The following NR6A1 variants were observed in gnomAD, a reference collection of about 807,000 sequenced individuals.
NR6A1 encodes the protein nuclear receptor subfamily 6 group A member 1, also known as retinoic acid receptor-related testis-associated receptor.
Under a neutral mutation model 59.1 loss-of-function variants are expected in NR6A1, and 7 were observed. That is an observed-to-expected ratio of 0.12 (90% CI 0.07 to 0.22). NR6A1 has a LOEUF of 0.22. Among genes scored for constraint, NR6A1 ranks in the 10% least tolerant of loss-of-function variants. NR6A1 has a pLI of 1.00. For synonymous variants in NR6A1, 243 were observed against 236.1 expected, an observed-to-expected ratio of 1.03 and a Z score of -0.27; for missense variants, 468 against 611.6, an observed-to-expected ratio of 0.77 and a Z score of 2.48.
intron 8 of NR6A1, among the ~76,000 whole-genome samples, chr9:124,525,409 G>A (rs1322713831): frequency 1.3e-5 from 2 of 151,434 alleles, no homozygotes; most frequent in Non-Finnish European, 2.9e-5. Context: ...CTGTCACCTA[G>A]GCTGGAGTGC....
chr9:124,520,874 TG>T lies in NR6A1; in HGVS notation c.*1830del, dbSNP rs2131308600. On this transcript the variant is annotated 3_prime_UTR_variant, in exon 10 of 10. Transcript: ENST00000487099. Reference sequence around the variant, plus strand: ...CATGTCTCTTCCTTCTCAGAGCAACTGGGGAAACGGCATTGAGGAGTAATGT... The same window carrying T: ...CATGTCTCTTCCTTCTCAGAGCAACTGGGAAACGGCATTGAGGAGTAATGT... 6.6e-6 allele frequency: 1 copy of T among 152,330 alleles called. No homozygotes were observed. The highest frequency in any genetic ancestry group is 2.1e-4 in the South Asian group (1 of 4,834). 9.4% of individuals were successfully genotyped at this position (152,330 alleles called of 1,614,324 possible). A position where few individuals can be genotyped will look rare whatever the true frequency, so the allele number is the denominator to read the frequency against.
intron 2 of NR6A1, among the ~76,000 whole-genome samples, chr9:124,706,068 G>A (rs761497120): frequency 3.9e-5 from 6 of 152,016 alleles, no homozygotes; most frequent in Admixed American, 2.6e-4. Context: ...AAGCCACCAC[G>A]CCAGCCTGAT....
At chr9:124,549,753 T>G (rs1265350903) in intron 3 of NR6A1, among the ~76,000 whole-genome samples, 1 of 152,108 alleles carries the variant, frequency 6.6e-6, no homozygotes, top group Admixed American at 6.6e-5. Context: ...TATGGAGAGT[T>G]CCCATACACC....
chr9:124,728,637 A>AAAT (rs1839796684), intron 2 of NR6A1, among the ~76,000 whole-genome samples: 44 of 144,840 alleles, frequency 3.0e-4, no homozygotes, highest in Admixed American at 2.3e-3. Flanking sequence ...TCCGCCTCAA[A>AAAT]AAATAAATAA....
At chr9:124,762,517 G>A (rs1260648622) in intron 1 of NR6A1, among the ~76,000 whole-genome samples, 2 of 152,052 alleles carry the variant, frequency 1.3e-5, no homozygotes, top group South Asian at 2.1e-4. Context: ...ATTTATAATC[G>A]GAAAAGGAAG....
chr9:124,732,275 A>G (rs538095093), intron 2 of NR6A1, among the ~76,000 whole-genome samples: 1 of 152,324 alleles, frequency 6.6e-6, no homozygotes, highest in South Asian at 2.1e-4. Context: ...CTACAATCAG[A>G]AAAATAACTC....
At chr9:124,615,286 T>G (rs1413443668) in intron 2 of NR6A1, among the ~76,000 whole-genome samples, 1 of 152,226 alleles carries the variant, frequency 6.6e-6, no homozygotes, top group Non-Finnish European at 1.5e-5. Flanking sequence ...CTAGTCATAA[T>G]GATTTGAAAA....
chr9:124,537,278 C>T (rs144866775), intron 6 of NR6A1, among the ~76,000 whole-genome samples: 4 of 152,162 alleles, frequency 2.6e-5, no homozygotes, highest in Non-Finnish European at 5.9e-5. Context: ...TTAGTACACA[C>T]GGGGTTTCAC....
rs565353590 is a variant in NR6A1 at position 124,609,030 on chromosome 9, G to C, written c.143-54460C>G. 1.3e-5 allele frequency among the ~76,000 whole-genome samples: 2 copies of C among 152,106 alleles called. 1 individual carries two copies. The highest frequency in any genetic ancestry group is 3.9e-4 in the East Asian group (2 of 5,190). On this transcript the variant is annotated intron_variant, in intron 2 of 9. Transcript: ENST00000487099. ...TTTGATTAAGTTCCTTGTAGATTCT[G>C]GATATTACATCTTTGTCAGATGGAT...
intron 1 of NR6A1, among the ~76,000 whole-genome samples, chr9:124,754,732 C>T (rs1313243955): frequency 6.6e-6 from 1 of 152,174 alleles, no homozygotes; most frequent in East Asian, 1.9e-4. Flanking sequence ...AACTGGTTTT[C>T]AATGACTTGG....
At chr9:124,595,845 A>G in intron 2 of NR6A1, 1 of 1,288,542 alleles carries the variant, frequency 7.8e-7, no homozygotes. Context: ...CAGCTTGATG[A>G]CTACCCTTCC....
At chr9:124,644,148 C>T (rs530293182) in intron 2 of NR6A1, among the ~76,000 whole-genome samples, 2 of 152,226 alleles carry the variant, frequency 1.3e-5, no homozygotes, top group East Asian at 3.9e-4. Flanking sequence ...GTGATCCACC[C>T]ACCTCGGCCT....
chr9:124,577,536 T>C (rs547086349), intron 2 of NR6A1, among the ~76,000 whole-genome samples: 1 of 152,242 alleles, frequency 6.6e-6, no homozygotes, highest in Non-Finnish European at 1.5e-5. Context: ...GAGGGGACTT[T>C]ACAAATAAAC....
intron 2 of NR6A1, among the ~76,000 whole-genome samples, chr9:124,647,440 A>C (rs1358696046): frequency 6.6e-6 from 1 of 152,088 alleles, no homozygotes; most frequent in African/African-American, 2.4e-5. Flanking sequence ...AACATAAAGA[A>C]ATGGGGGCCG....
Position 124,535,888 on chromosome 9 carries a change from C to G in NR6A1, c.1069G>C (p.Glu357Gln), listed in dbSNP as rs755922149. Residue 357 changes from glutamate (E) to glutamine (Q), a missense_variant, in exon 7 of 10, where the codon GAA becomes CAA. Around this residue, in one of 4 missense-constraint regions of NR6A1, gnomAD observed 176 missense variants for 264.0 expected, o/e 0.67. Transcript: ENST00000487099. The part of the protein sequence containing the change: ...VTAKYSPSDE[E>Q]LHRFSDEGME... ...GCCAGGAGGCCTCACCTGTGTAGTTCTTCATCGGAGGGCGAGTACTTGGCA... is the reference window on the plus strand; with the variant it reads ...GCCAGGAGGCCTCACCTGTGTAGTTGTTCATCGGAGGGCGAGTACTTGGCA... 4 of 1,614,042 alleles carry G rather than the reference C, an allele frequency of 2.5e-6. No homozygotes were observed. In the Admixed American group the frequency reaches 6.7e-5, roughly 27 times the overall value.
intron 1 of NR6A1, among the ~76,000 whole-genome samples, chr9:124,739,285 C>T (rs1415840116): frequency 1.3e-5 from 2 of 151,988 alleles, no homozygotes; most frequent in Non-Finnish European, 2.9e-5. Flanking sequence ...TACTCCAAAC[C>T]CATGTCTTGG....
At position 124,735,236 on chromosome 9, in the gene NR6A1, A is replaced by G. The variant is rs1053049274; in HGVS notation, c.101-1887T>C. On this transcript the variant is annotated intron_variant, in intron 1 of 9. Transcript: ENST00000487099. ...TTTCTGTGAGTCCTCCTCCTCCTCC[A>G]TTTGGTAAAAATGACTCATCCTTTA... Among the ~76,000 whole-genome samples, 5 of 152,260 alleles carry G rather than the reference A, an allele frequency of 3.3e-5. No homozygotes were observed. The South Asian group carries it at 1.0e-3, about 32-fold the overall frequency.
intron 2 of NR6A1, among the ~76,000 whole-genome samples, chr9:124,726,283 C>G (rs1279226677): frequency 6.6e-6 from 1 of 152,174 alleles, no homozygotes; most frequent in Non-Finnish European, 1.5e-5. Context: ...TTTGAAAAAG[C>G]CACTAGTTCT....
intron 2 of NR6A1, chr9:124,698,340 G>C (rs1838831222): frequency 6.6e-6 from 1 of 152,122 alleles, no homozygotes; most frequent in Non-Finnish European, 1.5e-5. Context: ...CCTACATTCG[G>C]CTGAAAATCA....
Sources: allele counts gnomAD v4.1 joint callset (sites outside exome capture counted in the v4.1 genomes callset), GRCh38; gene constraint gnomAD v4.1.1; regional missense constraint gnomAD v4.1.1; transcripts MANE v1.5; gene names NCBI Gene and HGNC (gene_info 2026-07-23, HGNC 2026-07-21).